Variants in NRG4 observed in about 807,000 individuals in gnomAD.
NRG4 encodes the protein pro-neuregulin-4, membrane-bound isoform.
In NRG4, 10 loss-of-function variants were observed where a neutral mutation model predicts 15.0. That is an observed-to-expected ratio of 0.67 (90% CI 0.41 to 1.13). The LOEUF is 1.13. Among genes scored for constraint, NRG4 ranks in the 50% most tolerant of loss-of-function variants. The pLI is 0.00. For synonymous variants in NRG4, 41 were observed against 50.1 expected (o/e 0.82, Z 0.77); for missense variants, 139 against 140.2 (o/e 0.99, Z 0.04).
chr15:76,040,542 CAG>C (rs2035709145), intron 4 of NRG4, among the ~76,000 whole-genome samples: 1 of 152,170 alleles, frequency 6.6e-6, no homozygotes, highest in Admixed American at 6.5e-5. Context: ...ACACAGAAAA[CAG>C]AGACTTTTAT....
intron 3 of NRG4, among the ~76,000 whole-genome samples, chr15:75,980,439 A>C (rs1053529336): frequency 4.0e-5 from 6 of 151,630 alleles, no homozygotes; most frequent in Non-Finnish European, 7.4e-5. Context: ...TCCCTAATCC[A>C]AAAGTCTAAA....
intron 5 of NRG4, among the ~76,000 whole-genome samples, chr15:75,946,538 T>G (rs1023527379): frequency 2.0e-5 from 3 of 152,096 alleles, no homozygotes; most frequent in Non-Finnish European, 4.4e-5. Flanking sequence ...TTTTTGTATT[T>G]TTAGTAGAGA....
chr15:75,947,291 A>T (rs2031587154), intron 5 of NRG4, among the ~76,000 whole-genome samples: 1 of 152,146 alleles, frequency 6.6e-6, no homozygotes, highest in Non-Finnish European at 1.5e-5. Flanking sequence ...TGGCATGTGC[A>T]CCCAGAGGAC....
rs142812746 is a variant in NRG4, at chr15:75,941,960, A to AAAAAAAAAAAC, written c.*1677_*1678insGTTTTTTTTTT. The stretch of plus-strand genomic sequence containing the variant: ...ACCACCAAAAAAAAAAAAAAAAAAA[A>AAAAAAAAAAAC]ATATGGCCTAGCTTTTTTTTTTTTT... On this transcript the variant is annotated 3_prime_UTR_variant, in exon 6 of 6. Coordinates refer to ENST00000394907, the MANE Select transcript of NRG4 (RefSeq NM_138573.4). The AAAAAAAAAAAC allele has an allele frequency of 2.1e-5, 2 of 93,766 alleles. No homozygotes were observed. The highest frequency in any genetic ancestry group is 1.7e-4 in the Admixed American group (1 of 5,878). 5.8% of individuals were successfully genotyped at this position (93,766 alleles called of 1,614,324 possible).
At chr15:75,999,910 C>T (rs1393994303) in intron 3 of NRG4, among the ~76,000 whole-genome samples, 1 of 152,032 alleles carries the variant, frequency 6.6e-6, no homozygotes. Flanking sequence ...TCTGTAGTCC[C>T]AGCTACTCAG....
At chr15:76,007,699 GA>G (rs2034658045) in intron 3 of NRG4, among the ~76,000 whole-genome samples, 1 of 152,146 alleles carries the variant, frequency 6.6e-6, no homozygotes, top group South Asian at 2.1e-4. Flanking sequence ...AAAGTGCTGG[GA>G]TTACAGGTGT....
intron 3 of NRG4, among the ~76,000 whole-genome samples, chr15:75,964,709 T>C (rs1352099720): frequency 6.6e-6 from 1 of 151,894 alleles, no homozygotes. Flanking sequence ...GAGGATGGCT[T>C]GAGCCCAGGA....
At chr15:75,951,071 AG>A (rs1211566346) in intron 5 of NRG4, 4 of 153,558 alleles carry the variant, frequency 2.6e-5, no homozygotes, top group African/African-American at 7.3e-5. Flanking sequence ...TGTAAACTTG[AG>A]GATAGTCTGG....
intron 3 of NRG4, among the ~76,000 whole-genome samples, chr15:75,996,033 T>G (rs2034201898): frequency 6.6e-6 from 1 of 152,260 alleles, no homozygotes; most frequent in Non-Finnish European, 1.5e-5. Context: ...TAAAATATTC[T>G]GATTACAAAT....
At chr15:75,990,903 G>A (rs552139226) in intron 3 of NRG4, among the ~76,000 whole-genome samples, 2 of 151,958 alleles carry the variant, frequency 1.3e-5, no homozygotes, top group South Asian at 4.2e-4. Flanking sequence ...TGGAACTCCT[G>A]GCCTTAAATT....
At chr15:76,035,873 T>C (rs1018837460) in intron 5 of NRG4, 1 of 152,190 alleles carries the variant, frequency 6.6e-6, no homozygotes, top group Admixed American at 6.5e-5. Context: ...GTTGATGACA[T>C]ACCTGAGGTA....
At chr15:75,972,609 T>C (rs1426050068) in intron 3 of NRG4, among the ~76,000 whole-genome samples, 3 of 152,086 alleles carry the variant, frequency 2.0e-5, no homozygotes, top group Non-Finnish European at 4.4e-5. Flanking sequence ...TTTCCCAACA[T>C]CATTTATGAA....
chr15:75,958,169 T>G (rs1279624711), intron 4 of NRG4, among the ~76,000 whole-genome samples: 1 of 152,126 alleles, frequency 6.6e-6, no homozygotes, highest in Admixed American at 6.5e-5. Context: ...CCCGCCACCA[T>G]GCCCGGCTAA....
At chr15:75,954,515 C>T (rs867648275) in intron 5 of NRG4, among the ~76,000 whole-genome samples, 2 of 151,190 alleles carry the variant, frequency 1.3e-5, no homozygotes, top group African/African-American at 4.9e-5. Flanking sequence ...ATGCAACCTC[C>T]GCCTCTGTGG....
intron 4 of NRG4, among the ~76,000 whole-genome samples, chr15:76,051,628 A>C (rs904890854): frequency 1.4e-5 from 2 of 146,484 alleles, no homozygotes; most frequent in East Asian, 2.0e-4. Context: ...CTGTGGCACT[A>C]TCTCGGCTCA....
intron 3 of NRG4, among the ~76,000 whole-genome samples, chr15:76,004,428 T>C (rs1228859874): frequency 6.6e-6 from 1 of 151,558 alleles, no homozygotes; most frequent in African/African-American, 2.4e-5. Flanking sequence ...TGGAGAAATC[T>C]TGTCTCTACT....
intron 3 of NRG4, among the ~76,000 whole-genome samples, chr15:75,962,976 G>T (rs1174239274): frequency 6.6e-6 from 1 of 152,130 alleles, no homozygotes; most frequent in East Asian, 1.9e-4. Context: ...TAGGTATTTA[G>T]AAATTTTATC....
At chr15:76,021,123 C>T (rs1333264724) in intron 5 of NRG4, among the ~76,000 whole-genome samples, 1 of 152,182 alleles carries the variant, frequency 6.6e-6, no homozygotes, top group Non-Finnish European at 1.5e-5. Flanking sequence ...AACACTCATC[C>T]ATCATTCTGA....
downstream of NRG4, chr15:75,940,297 G>T (rs966903819): frequency 1.3e-5 from 2 of 152,004 alleles, no homozygotes; most frequent in Non-Finnish European, 2.9e-5. Flanking sequence ...GGTGGTAAAT[G>T]GCTTGTACAA....
Sources: gnomAD v4.1 joint callset for allele counts (sites outside exome capture counted in the v4.1 genomes callset) on GRCh38, gnomAD v4.1.1 for gene constraint, MANE v1.5 for transcripts, NCBI Gene and HGNC (gene_info 2026-07-23, HGNC 2026-07-21) for gene names.